Variants in NCKAP1 observed in about 807,000 individuals in gnomAD.
NCKAP1 encodes nck-associated protein 1.
A neutral mutation model predicts 151.2 loss-of-function variants in NCKAP1; 21 were observed. That is an observed-to-expected ratio of 0.14 (90% CI 0.10 to 0.20). The LOEUF (loss-of-function observed/expected upper bound fraction) is 0.20, where lower values mean the gene tolerates loss of function less well. Ranked by LOEUF, NCKAP1 falls within the 10% of genes least tolerant of loss-of-function variation. NCKAP1 has a pLI of 1.00. For missense variants in NCKAP1, 933 were observed against 1,352.1 expected, an observed-to-expected ratio of 0.69 and a Z score of 4.86; for synonymous variants, 484 against 451.8, an observed-to-expected ratio of 1.07 and a Z score of -0.90.
In NCKAP1 at chr2:182,981,439, C is replaced by T. The variant is rs562243971; in HGVS notation, c.1209-63G>A. The T allele has an allele frequency of 8.3e-5, 106 of 1,272,792 alleles. 2 individuals carry two copies. The highest frequency in any genetic ancestry group is 7.9e-4 in the African/African-American group (53 of 66,766). 78.8% of individuals were successfully genotyped at this position (1,272,792 alleles called of 1,614,324 possible). The stretch of plus-strand genomic sequence containing the variant: ...ATTCATCATTATTAAAGAATATATT[C>T]GATGCCCTTAATCTTATTTCTAAAA... On this transcript the variant is annotated intron_variant, in intron 12 of 30. Coordinates refer to ENST00000361354, the MANE Select transcript of NCKAP1 (RefSeq NM_013436.5).
intron 2 of NCKAP1, among the ~76,000 whole-genome samples, chr2:183,013,479 T>C (rs1698627832): frequency 1.3e-5 from 2 of 152,102 alleles, no homozygotes; most frequent in Admixed American, 1.3e-4. Context: ...CATCAGCAAA[T>C]ACTATAGGTT....
intron 26 of NCKAP1, among the ~76,000 whole-genome samples, chr2:182,933,957 A>T (rs1329773470): frequency 6.6e-6 from 1 of 152,132 alleles, no homozygotes; most frequent in Non-Finnish European, 1.5e-5. Context: ...CAAAACAAAA[A>T]CTGTAAGCTC....
chr2:182,975,153 CT>C (rs1236869070), intron 15 of NCKAP1, among the ~76,000 whole-genome samples: 10 of 152,138 alleles, frequency 6.6e-5, no homozygotes, highest in African/African-American at 2.2e-4. Context: ...GGAAATTCCA[CT>C]TCTTTTTTTT....
chr2:183,031,417 A>C lies in NCKAP1; in HGVS notation c.108+6575T>G, dbSNP rs537948881. ...TGTCATACCTTTGCGGTTAAAAAGA[A>C]ATTGTTATTTAAAGGACTACTGTGG... is the stretch of plus-strand genomic sequence containing the variant. On this transcript the variant is annotated intron_variant, in intron 1 of 30. Transcript: ENST00000361354. Among the ~76,000 whole-genome samples the C allele has an allele frequency of 2.0e-5, 3 of 152,336 alleles. No individual in the cohort carries two copies. In the South Asian group the frequency reaches 6.2e-4, roughly 32 times the overall value.
In NCKAP1 at chr2:182,914,509, G is replaced by C. The variant is rs986024457; in HGVS notation, c.*11193C>G. On this transcript the variant is annotated 3_prime_UTR_variant, in exon 31 of 31. Transcript: ENST00000361354. Reference sequence around the variant, plus strand: ...TAAAAAACCAATTAAAAAATTAAAAGAGGAAATGGAGATACTCTAGTATGC... The same window carrying C: ...TAAAAAACCAATTAAAAAATTAAAACAGGAAATGGAGATACTCTAGTATGC... The C allele has an allele frequency of 6.6e-5, 10 of 151,948 alleles. No homozygotes were observed. Among genetic ancestry groups the C allele is most frequent in the Non-Finnish European group, 1.3e-4 (9 of 67,988 alleles). The allele number at this position is 151,948 out of a possible 1,614,324, so 9.4% of individuals were successfully genotyped here. A position where few individuals can be genotyped will look rare whatever the true frequency, so the allele number is the denominator to read the frequency against.
rs1696533225 is a variant in NCKAP1, at chr2:182,920,522, TTTG to T, written c.*5177_*5179del. On this transcript the variant is annotated 3_prime_UTR_variant, in exon 31 of 31. Transcript: ENST00000361354. ...ATAAGCAAGAACTGTGAACAATAAATTTGTTACTATAAAAAAACTTCTTGCTTA... is the reference window on the plus strand; with the variant it reads ...ATAAGCAAGAACTGTGAACAATAAATTTACTATAAAAAAACTTCTTGCTTA... The T allele has an allele frequency of 6.6e-6, 1 of 152,174 alleles. No individual in the cohort carries two copies. The highest frequency in any genetic ancestry group is 1.5e-5 in the Non-Finnish European group (1 of 68,040). 9.4% of individuals were successfully genotyped at this position (152,174 alleles called of 1,614,324 possible). A position where few individuals can be genotyped will look rare whatever the true frequency, so the allele number is the denominator to read the frequency against.
intron 8 of NCKAP1, among the ~76,000 whole-genome samples, chr2:182,992,399 G>C (rs746364849): frequency 6.6e-6 from 1 of 152,050 alleles, no homozygotes; most frequent in Admixed American, 6.6e-5. Context: ...CTTCCTGATC[G>C]ACTTACCGGC....
rs62188258 is a variant in NCKAP1 at position 182,916,037 on chromosome 2, C to T, written c.*9665G>A. On this transcript the variant is annotated 3_prime_UTR_variant, in exon 31 of 31. Coordinates refer to ENST00000361354, the MANE Select transcript of NCKAP1 (RefSeq NM_013436.5). Reference sequence around the variant, plus strand: ...GTCTCATTGGGAGAAATCTTAGAAACCATGTCTTCGGGGCAGTTTCCTCTC... The same window carrying T: ...GTCTCATTGGGAGAAATCTTAGAAATCATGTCTTCGGGGCAGTTTCCTCTC... 1 of 151,904 alleles carries T rather than the reference C, an allele frequency of 6.6e-6. No homozygotes were observed. Among genetic ancestry groups the T allele is most frequent in the Non-Finnish European group, 1.5e-5 (1 of 67,986 alleles). The allele number at this position is 151,904 out of a possible 1,614,324, so 9.4% of individuals were successfully genotyped here.
At chr2:182,952,004 G>A (rs1697226865) in intron 23 of NCKAP1, among the ~76,000 whole-genome samples, 1 of 152,056 alleles carries the variant, frequency 6.6e-6, no homozygotes, top group South Asian at 2.1e-4. Flanking sequence ...AAAGCAATAA[G>A]CCCAGTAATT....
intron 22 of NCKAP1, 34 bp from the exon 23 acceptor site, chr2:182,952,536 A>G: frequency 6.9e-7 from 1 of 1,444,530 alleles, no homozygotes; most frequent in Non-Finnish European, 9.6e-7. Context: ...TATACTTCCG[A>G]CAGAGCAAAT....
intron 1 of NCKAP1, among the ~76,000 whole-genome samples, chr2:183,036,707 T>C (rs2105904360): frequency 6.6e-6 from 1 of 151,914 alleles, no homozygotes; most frequent in Non-Finnish European, 1.5e-5. Flanking sequence ...ACTTTGTCCT[T>C]ATCCAAAATT....
intron 13 of NCKAP1, 54 bp from the exon 14 acceptor site, chr2:182,978,969 C>A: frequency 8.2e-7 from 1 of 1,226,438 alleles, no homozygotes; most frequent in Non-Finnish European, 1.2e-6. Context: ...GGAAACAACT[C>A]AGGTCTATCA....
At chr2:182,928,999 A>T in intron 27 of NCKAP1, 100 bp from the exon 28 acceptor site, 1 of 766,152 alleles carries the variant, frequency 1.3e-6, no homozygotes, top group Non-Finnish European at 2.1e-6. Context: ...AAAATGGTTT[A>T]CTTTTTTTTT....
chr2:182,967,638 G>C (rs1047799940), intron 15 of NCKAP1, among the ~76,000 whole-genome samples: 8 of 152,080 alleles, frequency 5.3e-5, no homozygotes, highest in South Asian at 2.1e-4. Flanking sequence ...AATATCAAAA[G>C]TGTAAAACAA....
At position 183,002,051 on chromosome 2, in the gene NCKAP1, C is replaced by A. The variant is rs1698384236; in HGVS notation, c.513-8G>T. 6.2e-7 allele frequency: 1 copy of A among 1,613,050 alleles called. No homozygotes were observed. Among genetic ancestry groups the A allele is most frequent in the Non-Finnish European group, 8.5e-7 (1 of 1,179,384 alleles). On this transcript the variant is annotated splice_region_variant and splice_polypyrimidine_tract_variant and intron_variant, in intron 5 of 30. Coordinates refer to ENST00000361354, the MANE Select transcript of NCKAP1 (RefSeq NM_013436.5). ...CGTGGGTATTCTCTGTCACTTAAAA[C>A]AGACATATCAAATTTCAATGAGTTG...
intron 15 of NCKAP1, among the ~76,000 whole-genome samples, chr2:182,974,260 A>T (rs915121240): frequency 7.2e-5 from 8 of 111,340 alleles, no homozygotes; most frequent in Admixed American, 2.8e-4. Flanking sequence ...TGTTGTCACT[A>T]AAAAAAAAAA....
Position 182,910,670 on chromosome 2 carries a change from A to G in NCKAP1, c.*15032T>C, listed in dbSNP as rs1696372958. 6.6e-6 allele frequency: 1 copy of G among 152,192 alleles called. No homozygotes were observed. The highest frequency in any genetic ancestry group is 2.1e-4 in the South Asian group (1 of 4,828). 9.4% of individuals were successfully genotyped at this position (152,192 alleles called of 1,614,324 possible). A position where few individuals can be genotyped will look rare whatever the true frequency, so the allele number is the denominator to read the frequency against. On this transcript the variant is annotated 3_prime_UTR_variant, in exon 31 of 31. Coordinates refer to ENST00000361354, the MANE Select transcript of NCKAP1 (RefSeq NM_013436.5). ...GATGTGAAAGAGCAACCCAGAAGTTAGTCCATGTTTGGTGGAAAGGGGTCC... is the reference window on the plus strand; with the variant it reads ...GATGTGAAAGAGCAACCCAGAAGTTGGTCCATGTTTGGTGGAAAGGGGTCC...
chr2:183,023,193 G>A (rs1698828222), intron 2 of NCKAP1, among the ~76,000 whole-genome samples: 1 of 152,076 alleles, frequency 6.6e-6, no homozygotes, highest in African/African-American at 2.4e-5. Flanking sequence ...TTTCCCAAAA[G>A]TAGTTATTCA....
chr2:182,909,417 T>C lies in NCKAP1; in HGVS notation c.*16285A>G, dbSNP rs1696354271. 1 of 152,216 alleles carries C rather than the reference T, an allele frequency of 6.6e-6. No homozygotes were observed. The highest frequency in any genetic ancestry group is 1.5e-5 in the Non-Finnish European group (1 of 68,036). 9.4% of individuals were successfully genotyped at this position (152,216 alleles called of 1,614,324 possible). A position where few individuals can be genotyped will look rare whatever the true frequency, so the allele number is the denominator to read the frequency against. On this transcript the variant is annotated 3_prime_UTR_variant, in exon 31 of 31. Coordinates refer to ENST00000361354, the MANE Select transcript of NCKAP1 (RefSeq NM_013436.5). ...CTACTTTCTATCAATTTGACTATTTTAGGTACCTAATATAAGAGGAATTAT... is the reference window on the plus strand; with the variant it reads ...CTACTTTCTATCAATTTGACTATTTCAGGTACCTAATATAAGAGGAATTAT...
Sources: allele counts gnomAD v4.1 joint callset (sites outside exome capture counted in the v4.1 genomes callset), GRCh38; gene constraint gnomAD v4.1.1; transcripts MANE v1.5; gene names NCBI Gene and HGNC (gene_info 2026-07-23, HGNC 2026-07-21).